The following RPTOR variants were observed in gnomAD, a reference collection of about 807,000 sequenced individuals.
RPTOR encodes the protein regulatory associated protein of MTOR complex 1.
In RPTOR, 21 loss-of-function variants were observed where a neutral mutation model predicts 169.9. That is an observed-to-expected ratio of 0.12 (90% CI 0.09 to 0.18). The LOEUF (loss-of-function observed/expected upper bound fraction) is 0.18. RPTOR is among the 10% of genes least tolerant of loss of function. The pLI is 1.00. For synonymous variants in RPTOR, 732 were observed against 753.2 expected, an observed-to-expected ratio of 0.97 and a Z score of 0.46; for missense variants, 1,133 against 1,855.9, an observed-to-expected ratio of 0.61 and a Z score of 7.16.
Position 80,923,563 on chromosome 17 carries a change from G to C in RPTOR, c.2698G>C (p.Asp900His), listed in dbSNP as rs1294810982. The C allele has an allele frequency of 6.2e-7, 1 of 1,613,436 alleles. No homozygotes were observed. Among genetic ancestry groups the C allele is most frequent in the East Asian group, 2.2e-5 (1 of 44,896 alleles). ...TGTGGCCAAGCAGCCGGTCAGCCGAGACTTGCCTTCTGGCCGGCCGGGCAC... is the reference window on the plus strand; with the variant it reads ...TGTGGCCAAGCAGCCGGTCAGCCGACACTTGCCTTCTGGCCGGCCGGGCAC... ...NDVAKQPVSR[D>H]LPSGRPGTTG... Residue 900 changes from aspartate (D) to histidine (H), a missense_variant, in exon 23 of 34, where the codon GAC becomes CAC. Asp to His is a moderately conservative substitution (Grantham distance 81, BLOSUM62 -1). Coordinates refer to ENST00000306801, the MANE Select transcript of RPTOR (RefSeq NM_020761.3).
At chr17:80,702,423 T>G (rs1469978234) in intron 3 of RPTOR, among the ~76,000 whole-genome samples, 1 of 152,174 alleles carries the variant, frequency 6.6e-6, no homozygotes, top group African/African-American at 2.4e-5. Context: ...CAGCAGAAAT[T>G]GTCGTAACTC....
At chr17:80,675,633 C>T (rs1344329164) in intron 3 of RPTOR, among the ~76,000 whole-genome samples, 1 of 152,246 alleles carries the variant, frequency 6.6e-6, no homozygotes, top group Non-Finnish European at 1.5e-5. Context: ...CAACGCCCCA[C>T]TCCAGTTCAT....
At chr17:80,768,293 C>T (rs7213638) in intron 6 of RPTOR, among the ~76,000 whole-genome samples, 41,556 of 152,066 alleles carry the variant, frequency 0.27, 5,846 homozygotes, top group African/African-American at 0.33. Context: ...CCATGGAGTG[C>T]GTGATCTCAC....
intron 3 of RPTOR, among the ~76,000 whole-genome samples, chr17:80,671,464 CCT>C (rs1433471699): frequency 6.6e-6 from 1 of 152,092 alleles, no homozygotes; most frequent in Non-Finnish European, 1.5e-5. Flanking sequence ...GTCTATTTGC[CCT>C]CTCTGTCAAT....
Position 80,730,754 on chromosome 17 carries a change from T to TTTTTTTG in RPTOR, c.654+48_654+49insTTTTTTG. On this transcript the variant is annotated intron_variant, in intron 5 of 33. Transcript: ENST00000306801. This position sits in a 1 kb window ranked among gnomAD's most constrained non-coding sequence, Gnocchi z 4.2. The stretch of plus-strand genomic sequence containing the variant: ...AGCGGTGCTGGGTTTGGTTTTGTTT[T>TTTTTTTG]CCCTGGGGGTGGGGTTTGGGTGGGG... The TTTTTTTG allele has an allele frequency of 1.4e-6, 1 of 721,640 alleles. No individual in the cohort carries two copies. Among genetic ancestry groups the TTTTTTTG allele is most frequent in the Non-Finnish European group, 2.2e-6 (1 of 457,690 alleles). 44.7% of individuals were successfully genotyped at this position (721,640 alleles called of 1,614,324 possible).
intron 13 of RPTOR, among the ~76,000 whole-genome samples, chr17:80,876,124 C>G (rs2068108449): frequency 1.5e-5 from 2 of 134,806 alleles, no homozygotes; most frequent in South Asian, 2.4e-4. Context: ...CCCGTGCTGC[C>G]CAGGATGTGT....
chr17:80,776,160 C>A (rs950978578), intron 6 of RPTOR, among the ~76,000 whole-genome samples: 1 of 152,086 alleles, frequency 6.6e-6, no homozygotes, highest in Admixed American at 6.5e-5. Context: ...GATTGTGCCA[C>A]TGTACTCTAG....
At chr17:80,797,931 C>G (rs988632862) in intron 7 of RPTOR, among the ~76,000 whole-genome samples, 16 of 152,298 alleles carry the variant, frequency 1.1e-4, no homozygotes, top group African/African-American at 3.1e-4. Context: ...AGCAGCCGTG[C>G]GGTACAGTTG....
chr17:80,570,918 A>G (rs995476707), intron 1 of RPTOR, among the ~76,000 whole-genome samples: 8 of 152,262 alleles, frequency 5.3e-5, no homozygotes, highest in Admixed American at 2.0e-4. Flanking sequence ...AGTACAGATT[A>G]AAGTTTGGAA....
At chr17:80,666,831 GCTGT>G (rs150662761) in intron 3 of RPTOR, among the ~76,000 whole-genome samples, 17,050 of 152,096 alleles carry the variant, frequency 0.11, 1,103 homozygotes, top group African/African-American at 0.16. Context: ...AAGGAAGAAT[GCTGT>G]CTGTGAAGGG....
intron 1 of RPTOR, among the ~76,000 whole-genome samples, chr17:80,561,024 G>A (rs1281135269): frequency 1.3e-5 from 2 of 152,110 alleles, no homozygotes; most frequent in African/African-American, 4.8e-5. Flanking sequence ...TTAAGCACAA[G>A]TAAGAAAGCT....
chr17:80,742,723 CAT>C (rs886156042), intron 5 of RPTOR, among the ~76,000 whole-genome samples: 4 of 152,092 alleles, frequency 2.6e-5, no homozygotes, highest in African/African-American at 9.7e-5. Flanking sequence ...CACCCACACA[CAT>C]ACACATGCAT....
At chr17:80,950,561 A>G (rs1405758174) in intron 28 of RPTOR, among the ~76,000 whole-genome samples, 1 of 150,802 alleles carries the variant, frequency 6.6e-6, no homozygotes, top group East Asian at 2.0e-4. Context: ...AATCATCCAC[A>G]CCCCGCACTC....
At chr17:80,643,557 A>C (rs1237713100) in intron 2 of RPTOR, among the ~76,000 whole-genome samples, 171 bp from the exon 3 acceptor site, 2 of 152,178 alleles carry the variant, frequency 1.3e-5, no homozygotes, top group Non-Finnish European at 2.9e-5. Context: ...TTGTTTGAGC[A>C]CCTTAGCTGT....
At position 80,855,661 on chromosome 17, in the gene RPTOR, C is replaced by T. The variant is rs1466622341; in HGVS notation, c.1398+114C>T. On this transcript the variant is annotated intron_variant, in intron 12 of 33. Coordinates refer to ENST00000306801, the MANE Select transcript of RPTOR (RefSeq NM_020761.3). ...CCAGAGCCACCCCCAGCCGTGAGAC[C>T]CAGGGCGAGTGTGTCCACCGTGTTG... 4.9e-6 allele frequency: 4 copies of T among 810,454 alleles called. No homozygotes were observed. In the African/African-American group the frequency reaches 5.0e-5, roughly 10 times the overall value. 50.2% of individuals were successfully genotyped at this position (810,454 alleles called of 1,614,324 possible).
At chr17:80,561,251 GTATATATATATGTATATATATATATATA>G (rs1183411587) in intron 1 of RPTOR, among the ~76,000 whole-genome samples, 2 of 4,204 alleles carry the variant, frequency 4.8e-4, no homozygotes, top group Non-Finnish European at 1.6e-3. Context: ...ATATATATAT[GTATATATATATGTATATATATATATATA>G]TATATATATT....
chr17:80,887,453 T>G (rs2068262777), intron 17 of RPTOR, among the ~76,000 whole-genome samples: 1 of 152,088 alleles, frequency 6.6e-6, no homozygotes, highest in South Asian at 2.1e-4. Context: ...CAGCTGGTTT[T>G]CTCTTCTGTT....
intron 24 of RPTOR, among the ~76,000 whole-genome samples, chr17:80,929,614 T>G (rs1459029768): frequency 6.6e-6 from 1 of 152,228 alleles, no homozygotes; most frequent in Non-Finnish European, 1.5e-5. Context: ...TGTTTTGCCC[T>G]GAGAGCATCT....
Position 80,823,067 on chromosome 17 carries a change from A to G in RPTOR, c.992-12A>G. ...CACTGTAGACTCCTTTTTATCTTTT[A>G]TCTGCCCTCAGATCTCTTCCAAAAG... is the stretch of plus-strand genomic sequence containing the variant. On this transcript the variant is annotated splice_polypyrimidine_tract_variant and intron_variant, in intron 8 of 33. Transcript: ENST00000306801. The surrounding 1 kb of genome is among the most constrained non-coding windows in gnomAD (Gnocchi z 4.5). 3 of 1,612,048 alleles carry G rather than the reference A, an allele frequency of 1.9e-6. No individual in the cohort carries two copies. Among genetic ancestry groups the G allele is most frequent in the Admixed American group, 1.7e-5 (1 of 59,544 alleles).
Sources: gnomAD v4.1 joint callset for allele counts (sites outside exome capture counted in the v4.1 genomes callset) on GRCh38, gnomAD v4.1.1 for gene constraint, Gnocchi (gnomAD v3.1) non-coding constraint, MANE v1.5 for transcripts, NCBI Gene and HGNC (gene_info 2026-07-23, HGNC 2026-07-21) for gene names.